Variants in RECQL5 observed in about 807,000 individuals in gnomAD.
RECQL5 encodes ATP-dependent DNA helicase Q5.
A neutral mutation model predicts 103.4 loss-of-function variants in RECQL5; 88 were observed. The observed-to-expected ratio is 0.85, with a 90% confidence interval of 0.72 to 1.02. The LOEUF (loss-of-function observed/expected upper bound fraction) is 1.02, where lower values mean the gene tolerates loss of function less well. Ranked by LOEUF, RECQL5 falls within the 50% of genes least tolerant of loss-of-function variation. The pLI, the probability that RECQL5 is intolerant of heterozygous loss-of-function variation, is 0.00. For synonymous variants in RECQL5, 552 were observed against 507.9 expected (o/e 1.09, Z -1.17); for missense variants, 1,232 against 1,284.3 (o/e 0.96, Z 0.62).
Position 75,665,037 on chromosome 17 carries a change from G to GC in RECQL5, c.252+13dup. 1.3e-6 allele frequency: 2 copies of GC among 1,570,590 alleles called. No homozygotes were observed. Among genetic ancestry groups the GC allele is most frequent in the African/African-American group, 1.4e-5 (1 of 71,826 alleles). ...ATCTTTTTGGGCTACCATCTTCATT[G>GC]CCCTAAGCCTCACCTGAATCAAAGC... On this transcript the variant is annotated intron_variant, in intron 3 of 19. Transcript: ENST00000317905.
chr17:75,649,149 C>T (rs2059524869), intron 8 of RECQL5: 1 of 152,188 alleles, frequency 6.6e-6, no homozygotes, highest in Admixed American at 6.5e-5. Flanking sequence ...CACCCCCAGC[C>T]CCAAGATCCC....
chr17:75,634,312 G>A (rs1427193665), intron 8 of RECQL5: 3 of 956,630 alleles, frequency 3.1e-6, no homozygotes, highest in Admixed American at 6.2e-5. Context: ...AGGTCTTCGG[G>A]GACATGCTGG....
At chr17:75,631,335 G>A in intron 9 of RECQL5, 86 bp from the exon 10 acceptor site, 1 of 1,537,314 alleles carries the variant, frequency 6.5e-7, no homozygotes, top group Non-Finnish European at 9.0e-7. Flanking sequence ...TGTCCCTGAT[G>A]TCCTACCAGC....
intron 8 of RECQL5, chr17:75,649,809 G>A (rs557141307): frequency 1.2e-4 from 117 of 985,438 alleles, no homozygotes; most frequent in Non-Finnish European, 1.3e-4. Context: ...AAGAGGCAGC[G>A]CAACACCGTC....
intron 14 of RECQL5, 49 bp downstream of exon 14, chr17:75,630,135 T>G: frequency 6.9e-7 from 1 of 1,448,802 alleles, no homozygotes; most frequent in Non-Finnish European, 9.3e-7. Context: ...TGCGTCAGAG[T>G]ATGGAGGGGC....
chr17:75,656,905 C>T (rs930748597), intron 7 of RECQL5, among the ~76,000 whole-genome samples: 10 of 152,140 alleles, frequency 6.6e-5, no homozygotes, highest in South Asian at 4.2e-4. Context: ...CCACCACGCC[C>T]GGCTAATTTT....
chr17:75,665,780 G>A (rs185840701), intron 2 of RECQL5, among the ~76,000 whole-genome samples: 15 of 152,204 alleles, frequency 9.9e-5, no homozygotes, highest in Admixed American at 5.9e-4. Context: ...TGCTAGATGA[G>A]TGGGTACATC....
At chr17:75,653,877 G>A (rs991604882) in intron 7 of RECQL5, among the ~76,000 whole-genome samples, 3 of 151,080 alleles carry the variant, frequency 2.0e-5, no homozygotes, top group Non-Finnish European at 2.9e-5. Flanking sequence ...CAGCCTGCAC[G>A]ACAAAGACTG....
At chr17:75,665,500 G>A (rs2059758796) in intron 2 of RECQL5, among the ~76,000 whole-genome samples, 1 of 152,008 alleles carries the variant, frequency 6.6e-6, no homozygotes, top group African/African-American at 2.4e-5. Context: ...GACCAGCCTG[G>A]CCAACATGGT....
At chr17:75,647,729 T>G (rs1348834775) in intron 8 of RECQL5, 8 of 682,856 alleles carry the variant, frequency 1.2e-5, no homozygotes, top group East Asian at 2.8e-5. Context: ...TGGCTTAGGG[T>G]TGGTCAGACT....
intron 13 of RECQL5, 75 bp downstream of exon 13, chr17:75,630,544 G>A: frequency 6.6e-7 from 1 of 1,506,616 alleles, no homozygotes. Context: ...AACAGGCCAG[G>A]GTTGACAGGG....
At chr17:75,628,182 G>C (rs1467021969) in intron 18 of RECQL5, 36 bp downstream of exon 18, 2 of 1,564,314 alleles carry the variant, frequency 1.3e-6, no homozygotes, top group Non-Finnish European at 1.8e-6. Context: ...CATACCCCAG[G>C]CATGGGAGAA....
intron 3 of RECQL5, among the ~76,000 whole-genome samples, chr17:75,664,028 C>T (rs1017950740): frequency 2.4e-5 from 3 of 124,464 alleles, no homozygotes; most frequent in Non-Finnish European, 4.8e-5. Flanking sequence ...CACTCAAGCC[C>T]GGGCAACAAG....
At chr17:75,666,014 C>A (rs77334286) in intron 2 of RECQL5, among the ~76,000 whole-genome samples, 1 of 152,216 alleles carries the variant, frequency 6.6e-6, no homozygotes, top group Non-Finnish European at 1.5e-5. Context: ...ACCACCCTCA[C>A]TGTTGCTGTT....
intron 8 of RECQL5, among the ~76,000 whole-genome samples, chr17:75,642,180 C>T (rs990782049): frequency 2.0e-5 from 3 of 152,152 alleles, no homozygotes; most frequent in African/African-American, 2.4e-5. Context: ...GGTAGAGCTA[C>T]GAACCCAGGA....
intron 8 of RECQL5, chr17:75,633,709 A>C (rs1196008390): frequency 8.9e-7 from 1 of 1,123,964 alleles, no homozygotes; most frequent in African/African-American, 1.7e-5. Flanking sequence ...GGCCTTCCTG[A>C]GGGCAGGGTG....
At chr17:75,655,998 C>T (rs748840244) in intron 7 of RECQL5, among the ~76,000 whole-genome samples, 2 of 151,190 alleles carry the variant, frequency 1.3e-5, no homozygotes, top group Non-Finnish European at 3.0e-5. Context: ...CTTGTTTTCT[C>T]TTGGTGAGAT....
chr17:75,641,002 CT>C, intron 8 of RECQL5: 1 of 1,482,564 alleles, frequency 6.7e-7, no homozygotes, highest in Middle Eastern at 1.7e-4. Context: ...CCAGGCTCCC[CT>C]GGCCCCAGCT....
chr17:75,655,653 C>G (rs2059610471), intron 7 of RECQL5, among the ~76,000 whole-genome samples: 1 of 148,754 alleles, frequency 6.7e-6, no homozygotes, highest in Admixed American at 6.7e-5. Flanking sequence ...CGTGAGCCAC[C>G]GCACCTGGCC....
Sources: gnomAD v4.1 joint callset for allele counts (sites outside exome capture counted in the v4.1 genomes callset) on GRCh38, gnomAD v4.1.1 for gene constraint, MANE v1.5 for transcripts, NCBI Gene and HGNC (gene_info 2026-07-23, HGNC 2026-07-21) for gene names.